The following NXPE1 variants were observed in gnomAD, a reference collection of about 807,000 sequenced individuals.
The protein encoded by NXPE1 is NXPE family member 1.
NXPE1 carries 31 observed loss-of-function variants against 33.3 expected under a neutral mutation model. That is an observed-to-expected ratio of 0.93 (90% CI 0.70 to 1.26). The LOEUF (loss-of-function observed/expected upper bound fraction) is 1.26, where lower values mean the gene tolerates loss of function less well. NXPE1 is among the 50% of genes most tolerant of loss of function. The probability of loss-of-function intolerance (pLI) is 0.00; values close to 1 mark genes in which losing one functional copy is unlikely to be tolerated. For missense variants in NXPE1, 661 were observed against 655.6 expected (o/e 1.01, Z -0.09); for synonymous variants, 229 against 231.4 (o/e 0.99, Z 0.09).
chr11:114,539,521 A>G (rs1948000593), intron 5 of NXPE1, among the ~76,000 whole-genome samples: 1 of 152,210 alleles, frequency 6.6e-6, no homozygotes, highest in South Asian at 2.1e-4. Flanking sequence ...AAAGGTCTGA[A>G]TGAATGGAAA....
chr11:114,521,210 A>T (rs1391939830), downstream of NXPE1, among the ~76,000 whole-genome samples: 3 of 152,172 alleles, frequency 2.0e-5, no homozygotes, highest in African/African-American at 7.2e-5. Flanking sequence ...TTTTGTTGCC[A>T]ATTTTCAAAA....
chr11:114,530,796 A>G (rs765987415), exon 6 of NXPE1: 6 of 1,614,042 alleles, frequency 3.7e-6, no homozygotes, highest in Non-Finnish European at 5.1e-6. Context: ...CTTTATTCTG[A>G]GTTCAGTCTC....
At chr11:114,535,897 T>C (rs1346165570) in intron 5 of NXPE1, among the ~76,000 whole-genome samples, 7 of 152,062 alleles carry the variant, frequency 4.6e-5, no homozygotes, top group African/African-American at 1.4e-4. Context: ...AACAAGGATA[T>C]ACAGGAATTG....
At chr11:114,534,107 C>A (rs1292530216) in intron 5 of NXPE1, among the ~76,000 whole-genome samples, 1 of 152,218 alleles carries the variant, frequency 6.6e-6, no homozygotes, top group African/African-American at 2.4e-5. Flanking sequence ...AACGATCAGG[C>A]AGCAGCATTT....
At chr11:114,556,909 T>TTTC (rs1398861844) in intron 1 of NXPE1, among the ~76,000 whole-genome samples, 2 of 151,872 alleles carry the variant, frequency 1.3e-5, no homozygotes, top group Non-Finnish European at 2.9e-5. Flanking sequence ...TTTTTTTTTT[T>TTTC]TGAGACAGAG....
chr11:114,526,899 G>T (rs1183090889), intron 7 of NXPE1, among the ~76,000 whole-genome samples: 1 of 152,086 alleles, frequency 6.6e-6, no homozygotes, highest in Non-Finnish European at 1.5e-5. Context: ...CTTAAATCCA[G>T]CAACACTACC....
chr11:114,546,060 G>A (rs962611511), intron 5 of NXPE1, among the ~76,000 whole-genome samples: 3 of 152,172 alleles, frequency 2.0e-5, no homozygotes, highest in Non-Finnish European at 4.4e-5. Flanking sequence ...AGAACACAGT[G>A]TTTTAACTGT....
At chr11:114,532,501 T>C (rs1947620898) in intron 5 of NXPE1, among the ~76,000 whole-genome samples, 1 of 152,194 alleles carries the variant, frequency 6.6e-6, no homozygotes. Flanking sequence ...TAAACCTTTT[T>C]CTATTTTTCC....
At chr11:114,530,449 C>T (rs1453552626) in exon 6 of NXPE1, 16 of 1,614,120 alleles carry the variant, frequency 9.9e-6, no homozygotes, top group Non-Finnish European at 1.4e-5. Flanking sequence ...GACGCCCCTT[C>T]ACTGGGGTGG....
Position 114,538,088 on chromosome 11 carries a change from C to A in NXPE1, c.100-7180G>T, listed in dbSNP as rs554320065. ...ACTGGTACCAAAACAGAGATGTAGA[C>A]CAATGGAACAGAACAGAGCCCTCAG... On this transcript the variant is annotated intron_variant, in intron 5 of 8. Coordinates refer to ENST00000534921, the Ensembl canonical transcript of NXPE1. Among the ~76,000 whole-genome samples, 159 of 152,206 alleles carry A rather than the reference C, an allele frequency of 1.0e-3. 2 individuals carry two copies. The East Asian group carries it at 0.029, about 27-fold the overall frequency.
At chr11:114,524,991 A>T (rs1947326616) in intron 7 of NXPE1, among the ~76,000 whole-genome samples, 1 of 152,080 alleles carries the variant, frequency 6.6e-6, no homozygotes, top group Non-Finnish European at 1.5e-5. Flanking sequence ...GCAGATAATT[A>T]TGGTAAATCT....
At chr11:114,528,308 C>T (rs757739198) in intron 6 of NXPE1, among the ~76,000 whole-genome samples, 2 of 152,166 alleles carry the variant, frequency 1.3e-5, no homozygotes, top group East Asian at 1.9e-4. Flanking sequence ...TTTTTCAATA[C>T]GACTGCCAGA....
chr11:114,519,228 G>A (rs868138470), downstream of NXPE1, among the ~76,000 whole-genome samples: 40 of 91,586 alleles, frequency 4.4e-4, no homozygotes, highest in Middle Eastern at 5.5e-3. Flanking sequence ...CTTTCCCCCC[G>A]TTTGGCAAAA....
intron 5 of NXPE1, among the ~76,000 whole-genome samples, chr11:114,538,938 A>C (rs960379375): frequency 6.6e-6 from 1 of 152,172 alleles, no homozygotes; most frequent in Admixed American, 6.6e-5. Context: ...TACTGGGTAT[A>C]TACCCAAAGG....
At chr11:114,527,963 C>T in intron 6 of NXPE1, 62 bp from the exon 7 acceptor site, 1 of 1,291,938 alleles carries the variant, frequency 7.7e-7, no homozygotes, top group South Asian at 1.4e-5. Flanking sequence ...ACAGGTGAAT[C>T]ATCTGCTTGT....
chr11:114,525,486 G>A (rs1565296917), intron 7 of NXPE1, among the ~76,000 whole-genome samples: 1 of 152,124 alleles, frequency 6.6e-6, no homozygotes, highest in Non-Finnish European at 1.5e-5. Context: ...CCGGGTCCCA[G>A]AAGGGATGGG....
intron 6 of NXPE1, 97 bp downstream of exon 6, chr11:114,530,078 G>T (rs535147485): frequency 1.6e-6 from 2 of 1,246,548 alleles, no homozygotes; most frequent in South Asian, 1.5e-5. Flanking sequence ...AGTACAGGAG[G>T]CCTCTGAGTC....
At chr11:114,526,234 G>A (rs1257402676) in intron 7 of NXPE1, among the ~76,000 whole-genome samples, 2 of 152,200 alleles carry the variant, frequency 1.3e-5, no homozygotes, top group African/African-American at 2.4e-5. Flanking sequence ...CTTGGGATTA[G>A]CTCAATGAGA....
chr11:114,523,007 G>T, exon 8 of NXPE1: 1 of 1,613,590 alleles, frequency 6.2e-7, no homozygotes, highest in Non-Finnish European at 8.5e-7. Flanking sequence ...GCAAAATGTT[G>T]TTATCCATTT....
Sources: gnomAD v4.1 joint callset for allele counts (sites outside exome capture counted in the v4.1 genomes callset) on GRCh38, gnomAD v4.1.1 for gene constraint, MANE v1.5 for transcripts, NCBI Gene and HGNC (gene_info 2026-07-23, HGNC 2026-07-21) for gene names.